The following GLI3 variants were observed in gnomAD, a reference collection of about 807,000 sequenced individuals.
GLI3 encodes the protein transcription activator GLI3.
A neutral mutation model predicts 100.8 loss-of-function variants in GLI3; 20 were observed. The observed-to-expected ratio is 0.20, with a 90% CI of 0.14 to 0.29. GLI3 has a LOEUF of 0.29. Ranked by LOEUF, GLI3 falls within the 10% of genes least tolerant of loss-of-function variation. The pLI, the probability that GLI3 is intolerant of heterozygous loss-of-function variation, is 1.00. For synonymous variants in GLI3, 938 were observed against 860.5 expected (o/e 1.09, Z -1.58); for missense variants, 2,040 against 2,128.5 (o/e 0.96, Z 0.82).
intron 2 of GLI3, among the ~76,000 whole-genome samples, chr7:42,178,262 C>T (rs1787520497): frequency 6.6e-6 from 1 of 152,216 alleles, no homozygotes; most frequent in African/African-American, 2.4e-5. Context: ...AGTTGTGTAT[C>T]ATCCCTGCAG....
intron 1 of GLI3, among the ~76,000 whole-genome samples, chr7:42,236,284 A>G (rs1788791144): frequency 6.6e-6 from 1 of 152,146 alleles, no homozygotes; most frequent in African/African-American, 2.4e-5. Context: ...GGCACCTTAA[A>G]TGATTATTGC....
chr7:42,046,274 C>A (rs1784243054), intron 5 of GLI3, among the ~76,000 whole-genome samples: 1 of 152,204 alleles, frequency 6.6e-6, no homozygotes, highest in Non-Finnish European at 1.5e-5. Context: ...TGGATTTAAA[C>A]TGGCTCCATG....
intron 10 of GLI3, among the ~76,000 whole-genome samples, chr7:41,979,343 G>A (rs1308030077): frequency 1.3e-5 from 2 of 152,210 alleles, no homozygotes; most frequent in Non-Finnish European, 2.9e-5. Context: ...TTATACTGAG[G>A]AAGAGGACTG....
intron 3 of GLI3, among the ~76,000 whole-genome samples, chr7:42,143,783 T>C (rs1786631023): frequency 6.6e-6 from 1 of 152,250 alleles, no homozygotes; most frequent in South Asian, 2.1e-4. Flanking sequence ...AGCATTTGCA[T>C]GGAAGAATGA....
At chr7:42,203,465 T>A (rs1417942711) in intron 2 of GLI3, among the ~76,000 whole-genome samples, 2 of 152,206 alleles carry the variant, frequency 1.3e-5, no homozygotes, top group Non-Finnish European at 2.9e-5. Context: ...CCACATATGA[T>A]GAGAACACAT....
chr7:42,235,423 G>A (rs376730374), intron 1 of GLI3, among the ~76,000 whole-genome samples: 38 of 152,190 alleles, frequency 2.5e-4, no homozygotes, highest in African/African-American at 8.4e-4. Context: ...AGACGGCCAG[G>A]GTGCAGGCCC....
chr7:42,012,337 G>A (rs1182654168), intron 10 of GLI3, among the ~76,000 whole-genome samples: 12 of 152,098 alleles, frequency 7.9e-5, no homozygotes, highest in African/African-American at 2.7e-4. Flanking sequence ...TACTGTAAAA[G>A]GCACCACCAA....
chr7:42,096,819 A>G (rs894770521), intron 3 of GLI3, among the ~76,000 whole-genome samples: 10 of 152,200 alleles, frequency 6.6e-5, no homozygotes, highest in African/African-American at 2.4e-4. Context: ...GCCTGGTGCC[A>G]TCAAAGATAG....
intron 3 of GLI3, among the ~76,000 whole-genome samples, chr7:42,102,890 T>C (rs144867565): frequency 4.1e-4 from 63 of 152,326 alleles, no homozygotes; most frequent in Admixed American, 1.9e-3. Context: ...AAATGCCTAA[T>C]TGTGGCATAT....
At chr7:41,979,349 G>A (rs1262450381) in intron 10 of GLI3, among the ~76,000 whole-genome samples, 1 of 152,232 alleles carries the variant, frequency 6.6e-6, no homozygotes, top group Non-Finnish European at 1.5e-5. Flanking sequence ...TGAGGAAGAG[G>A]ACTGTGTGGT....
intron 2 of GLI3, among the ~76,000 whole-genome samples, chr7:42,202,644 A>G (rs1290936643): frequency 1.3e-5 from 2 of 152,228 alleles, no homozygotes; most frequent in Non-Finnish European, 2.9e-5. Context: ...CCTCACAAGC[A>G]TGCACATCAC....
chr7:42,219,929 C>T (rs372917519), intron 2 of GLI3, among the ~76,000 whole-genome samples: 9 of 151,012 alleles, frequency 6.0e-5, no homozygotes, highest in African/African-American at 2.2e-4. Context: ...TCTTGGCTCA[C>T]TGTAAGCTCC....
chr7:42,246,278 T>G (rs1219213142), intron 1 of GLI3, among the ~76,000 whole-genome samples: 6 of 152,138 alleles, frequency 3.9e-5, no homozygotes, highest in African/African-American at 1.4e-4. Context: ...GACAGGGGAA[T>G]GGACAGTCAT....
chr7:41,972,736 T>A lies in GLI3; in HGVS notation c.1813-109A>T. ...TACATTTTTAATCCTTTCAAAACAC[T>A]TTCACAAGGCTTTGAGGTGTTCAGA... On this transcript the variant is annotated intron_variant, in intron 12 of 14. Transcript: ENST00000395925. This position sits in a 1 kb window ranked among gnomAD's most constrained non-coding sequence, Gnocchi z 4.4. 1 of 891,892 alleles carries A rather than the reference T, an allele frequency of 1.1e-6. No individual in the cohort carries two copies. The highest frequency in any genetic ancestry group is 1.8e-6 in the Non-Finnish European group (1 of 557,598). 55.2% of individuals were successfully genotyped at this position (891,892 alleles called of 1,614,324 possible).
chr7:42,251,472 G>A (rs1048970697), intron 1 of GLI3, among the ~76,000 whole-genome samples: 12 of 152,320 alleles, frequency 7.9e-5, no homozygotes, highest in African/African-American at 2.6e-4. Flanking sequence ...TGGAGTAGGG[G>A]GAGTTGGGGG....
chr7:42,042,943 G>A (rs1440523271), intron 6 of GLI3, among the ~76,000 whole-genome samples: 1 of 152,134 alleles, frequency 6.6e-6, no homozygotes, highest in Non-Finnish European at 1.5e-5. Context: ...ACCATAAACA[G>A]ACTAGTTTAT....
intron 3 of GLI3, among the ~76,000 whole-genome samples, chr7:42,129,060 A>G (rs185400504): frequency 7.9e-5 from 12 of 152,258 alleles, no homozygotes; most frequent in African/African-American, 2.7e-4. Flanking sequence ...GACTTCTGTG[A>G]AATGAAAAAC....
intron 2 of GLI3, among the ~76,000 whole-genome samples, chr7:42,215,659 A>C (rs1402734344): frequency 6.6e-6 from 1 of 152,188 alleles, no homozygotes; most frequent in Admixed American, 6.5e-5. Context: ...TTTTGCTCTT[A>C]AATTTGAAAA....
chr7:42,009,619 G>A lies in GLI3; in HGVS notation c.1497+13849C>T, dbSNP rs530286280. 3.3e-5 allele frequency among the ~76,000 whole-genome samples: 5 copies of A among 151,162 alleles called. No individual in the cohort carries two copies. In the South Asian group the frequency reaches 1.0e-3, roughly 31 times the overall value. On this transcript the variant is annotated intron_variant, in intron 10 of 14. Coordinates refer to ENST00000395925, the MANE Select transcript of GLI3 (RefSeq NM_000168.6). Reference sequence around the variant, plus strand: ...TACCAATCAACGATCTTACTCTTGTGTCAGCTGGGCACGCATGCTTCCTTT... The same window carrying A: ...TACCAATCAACGATCTTACTCTTGTATCAGCTGGGCACGCATGCTTCCTTT...
Sources: allele counts gnomAD v4.1 joint callset (sites outside exome capture counted in the v4.1 genomes callset), GRCh38; gene constraint gnomAD v4.1.1; non-coding constraint Gnocchi (gnomAD v3.1); transcripts MANE v1.5; gene names NCBI Gene and HGNC (gene_info 2026-07-23, HGNC 2026-07-21).